Variants in SOX5 observed in about 807,000 individuals in gnomAD.
The protein encoded by SOX5 is SRY-box transcription factor 5.
SOX5 carries 9 observed loss-of-function variants against 92.0 expected under a neutral mutation model. The observed-to-expected ratio is 0.10, with a 90% CI of 0.06 to 0.17. The LOEUF (loss-of-function observed/expected upper bound fraction) is 0.17. SOX5 is among the 10% of genes least tolerant of loss of function. The probability of loss-of-function intolerance (pLI) is 1.00; values close to 1 mark genes in which losing one functional copy is unlikely to be tolerated. For synonymous variants in SOX5, 344 were observed against 336.3 expected, an observed-to-expected ratio of 1.02 and a Z score of -0.25; for missense variants, 642 against 944.5, an observed-to-expected ratio of 0.68 and a Z score of 4.20.
At chr12:23,913,271 C>T (rs1203846840) in intron 1 of SOX5, among the ~76,000 whole-genome samples, 5 of 151,962 alleles carry the variant, frequency 3.3e-5, no homozygotes, top group Admixed American at 1.3e-4. Flanking sequence ...TTTCTCATTT[C>T]TATTGCTTTT....
At chr12:23,643,102 A>AAAC in intron 7 of SOX5, among the ~76,000 whole-genome samples, 1 of 110,842 alleles carries the variant, frequency 9.0e-6, no homozygotes, top group East Asian at 3.4e-4. Flanking sequence ...AAAAAAAAAA[A>AAAC]AAAAAAGGTA....
upstream of SOX5, among the ~76,000 whole-genome samples, chr12:23,953,854 G>A (rs900623041): frequency 6.6e-5 from 10 of 151,910 alleles, no homozygotes; most frequent in African/African-American, 2.2e-4. Flanking sequence ...TGACACTGCC[G>A]CATCGGTATA....
intron 4 of SOX5, among the ~76,000 whole-genome samples, chr12:24,147,820 A>T (rs1450676779): frequency 1.3e-5 from 2 of 152,200 alleles, no homozygotes; most frequent in Non-Finnish European, 2.9e-5. Context: ...ATCAATTTTT[A>T]AAAAACCTAA....
intron 7 of SOX5, among the ~76,000 whole-genome samples, chr12:23,653,044 A>ATGGG (rs948029123): frequency 2.0e-5 from 3 of 151,240 alleles, no homozygotes; most frequent in Non-Finnish European, 4.4e-5. Flanking sequence ...GGATGGATGG[A>ATGGG]TGGATGGATG....
intron 1 of SOX5, among the ~76,000 whole-genome samples, chr12:24,465,814 T>C (rs746277349): frequency 6.6e-6 from 1 of 152,266 alleles, no homozygotes; most frequent in Middle Eastern, 3.4e-3. Flanking sequence ...TCATTCATGG[T>C]CCACCATCCC....
chr12:23,619,333 A>G (rs1566409667), intron 8 of SOX5, among the ~76,000 whole-genome samples: 1 of 152,180 alleles, frequency 6.6e-6, no homozygotes, highest in Non-Finnish European at 1.5e-5. Flanking sequence ...AGACATGTCC[A>G]TGTCATATCT....
In SOX5 at chr12:23,652,022, T is replaced by C. The variant is rs116245637; in HGVS notation, c.932-11125A>G. The stretch of plus-strand genomic sequence containing the variant: ...TAAAAAAAATGAACTATCTAGAATA[T>C]AAAACCCCTTCTGAAACCATCATCT... On this transcript the variant is annotated intron_variant, in intron 7 of 14. Transcript: ENST00000451604. 6.2e-3 allele frequency among the ~76,000 whole-genome samples: 939 copies of C among 152,122 alleles called. 11 individuals are homozygous for C. The highest frequency in any genetic ancestry group is 0.021 in the African/African-American group (891 of 41,532).
At chr12:24,165,319 C>A (rs1317927719) in intron 4 of SOX5, among the ~76,000 whole-genome samples, 3 of 152,062 alleles carry the variant, frequency 2.0e-5, no homozygotes, top group African/African-American at 7.2e-5. Flanking sequence ...ACAGTTCCTG[C>A]CCTGAAGATG....
chr12:24,337,651 AT>A lies in SOX5; in HGVS notation c.-174+30911del, dbSNP rs543547279. ...CACCACACACTCGGCCTGAATCTGA[AT>A]TTTTTTGCCTCTTTTAAGTTCGGTA... On this transcript the variant is annotated intron_variant, in intron 2 of 4. Coordinates refer to the SOX5 transcript ENST00000446891. Among the ~76,000 whole-genome samples, 7 of 152,098 alleles carry A rather than the reference AT, an allele frequency of 4.6e-5. No homozygotes were observed. The South Asian group carries it at 1.5e-3, about 32-fold the overall frequency.
chr12:23,789,198 AT>A (rs1314798786), intron 3 of SOX5, among the ~76,000 whole-genome samples: 1 of 151,036 alleles, frequency 6.6e-6, no homozygotes, highest in African/African-American at 2.4e-5. Flanking sequence ...AAGATTATCC[AT>A]TTTCCTCCTT....
At chr12:24,208,505 A>T (rs73058427) in intron 4 of SOX5, among the ~76,000 whole-genome samples, 1 of 152,190 alleles carries the variant, frequency 6.6e-6, no homozygotes, top group East Asian at 1.9e-4. Flanking sequence ...ATCCTTGGCA[A>T]TCTTCCCACT....
intron 11 of SOX5, among the ~76,000 whole-genome samples, chr12:23,557,975 CA>C (rs371140908): frequency 1.8e-3 from 199 of 113,046 alleles, no homozygotes; most frequent in Middle Eastern, 4.9e-3. Flanking sequence ...GACTCCGCCT[CA>C]AAAAAAAAAA....
chr12:23,948,560 G>GA (rs895552941), intron 1 of SOX5, among the ~76,000 whole-genome samples: 4 of 149,614 alleles, frequency 2.7e-5, no homozygotes, highest in South Asian at 2.1e-4. Context: ...TCATGAAAAT[G>GA]AAAAAAAGCC....
chr12:24,179,412 C>A lies in SOX5; in HGVS notation c.-2+33931G>T, dbSNP rs557064337. On this transcript the variant is annotated intron_variant, in intron 4 of 4. Transcript: ENST00000446891. ...CATACTTTGAATTCTGATCTTTTCCCAGGCTATCAATATGTAGTAGGATAC... is the reference window on the plus strand; with the variant it reads ...CATACTTTGAATTCTGATCTTTTCCAAGGCTATCAATATGTAGTAGGATAC... Among the ~76,000 whole-genome samples the A allele has an allele frequency of 1.5e-4, 23 of 152,260 alleles. 1 individual carries two copies. The South Asian group carries it at 3.9e-3, about 26-fold the overall frequency.
intron 4 of SOX5, among the ~76,000 whole-genome samples, chr12:24,042,948 T>G (rs1956657807): frequency 6.6e-6 from 1 of 152,210 alleles, no homozygotes; most frequent in South Asian, 2.1e-4. Context: ...AAGAATGTAT[T>G]GTTTAATATT....
At chr12:23,878,894 A>G (rs969460234) in intron 2 of SOX5, among the ~76,000 whole-genome samples, 4 of 152,054 alleles carry the variant, frequency 2.6e-5, no homozygotes, top group Non-Finnish European at 5.9e-5. Context: ...CTATCATTCC[A>G]TGTTTCAGGT....
At position 23,561,431 on chromosome 12, in the gene SOX5, T is replaced by A. The variant is rs1191856023; in HGVS notation, c.1488+1827A>T. On this transcript the variant is annotated intron_variant, in intron 11 of 14. Transcript: ENST00000451604. The stretch of plus-strand genomic sequence containing the variant: ...ACTGAAGCCAGCATAAAGTCATGTG[T>A]TAGAACAACAGCTGATCTGTATTAG... Among the ~76,000 whole-genome samples, 26 of 152,178 alleles carry A rather than the reference T, an allele frequency of 1.7e-4. 1 individual carries two copies. The highest frequency in any genetic ancestry group is 1.7e-3 in the Admixed American group (26 of 15,268).
At chr12:23,582,029 G>T in intron 9 of SOX5, 1 of 324,300 alleles carries the variant, frequency 3.1e-6, no homozygotes, top group Non-Finnish European at 4.4e-6. Flanking sequence ...GATGAGTAAA[G>T]GCATTCATGA....
At chr12:24,522,566 A>G (rs1247605117) in intron 1 of SOX5, among the ~76,000 whole-genome samples, 1 of 152,174 alleles carries the variant, frequency 6.6e-6, no homozygotes, top group Non-Finnish European at 1.5e-5. Context: ...TATTAAAAGA[A>G]ACATATTCTA....
Sources: gnomAD v4.1 joint callset for allele counts (sites outside exome capture counted in the v4.1 genomes callset) on GRCh38, gnomAD v4.1.1 for gene constraint, MANE v1.5 for transcripts, NCBI Gene and HGNC (gene_info 2026-07-23, HGNC 2026-07-21) for gene names.